BAHCC1: variants seen among roughly 807,000 people sequenced by gnomAD.
BAHCC1 encodes BAH domain and coiled-coil containing 1, also known as BAH and coiled-coil domain-containing protein 1.
In BAHCC1, 43 loss-of-function variants were observed where a neutral mutation model predicts 88.2. That is an observed-to-expected ratio of 0.49 (90% CI 0.38 to 0.63). The LOEUF (loss-of-function observed/expected upper bound fraction) is 0.63. Among genes scored for constraint, BAHCC1 ranks in the 20% least tolerant of loss-of-function variants. The pLI is 0.00. For synonymous variants in BAHCC1, 1,510 were observed against 745.5 expected, an observed-to-expected ratio of 2.03 and a Z score of -16.71; for missense variants, 3,023 against 1,654.8, an observed-to-expected ratio of 1.83 and a Z score of -14.34.
In BAHCC1 at chr17:81,399,806, A is replaced by G. The variant is rs2063790344; in HGVS notation, c.67A>G (p.Ser23Gly). ...LSERGSLGHRSAAAAARLAPA... is the reference protein window; with the variant it reads ...LSERGSLGHRGAAAAARLAPA... ...GGAGCGCGGGAGCCTGGGCCACCGC[A>G]GCGCCGCTGCCGCCGCGCGTCTCGC... is the stretch of plus-strand genomic sequence containing the variant. Residue 23 changes from serine to glycine, a missense_variant, in exon 2 of 28, where the codon AGC becomes GGC. Physicochemically the swap from Ser to Gly is moderately conservative, Grantham distance 56 (BLOSUM62 0). Transcript: ENST00000675386. This position sits in a 1 kb window ranked among gnomAD's most constrained non-coding sequence, Gnocchi z 4.5. The G allele has an allele frequency of 2.3e-6, 3 of 1,308,616 alleles. No homozygotes were observed. The highest frequency in any genetic ancestry group is 6.5e-5 in the East Asian group (2 of 31,004). The allele number at this position is 1,308,616 out of a possible 1,614,324, so 81.1% of individuals were successfully genotyped here. A position where few individuals can be genotyped will look rare whatever the true frequency, so the allele number is the denominator to read the frequency against.
intron 3 of BAHCC1, among the ~76,000 whole-genome samples, chr17:81,427,423 A>G (rs2064213438): frequency 6.6e-6 from 1 of 152,116 alleles, no homozygotes; most frequent in African/African-American, 2.4e-5. Context: ...GCTGCCACCC[A>G]GGGGCCTGTC....
intron 15 of BAHCC1, chr17:81,456,063 A>G: frequency 1.9e-6 from 1 of 526,692 alleles, no homozygotes; most frequent in South Asian, 2.6e-5. Flanking sequence ...CATGTCCCCT[A>G]CGTGGGGTGG....
chr17:81,442,920 A>G lies in BAHCC1; in HGVS notation c.1571A>G (p.Asp524Gly). The change falls in exon 5 of 28, where the codon GAT becomes GGT. Residue 524 changes from aspartate (D) to glycine (G), a missense_variant. Coordinates refer to ENST00000675386, the MANE Select transcript of BAHCC1 (RefSeq NM_001377448.1). ...GKAPQACCTLDKTVGKEAPAG... is the reference protein window; with the variant it reads ...GKAPQACCTLGKTVGKEAPAG... ...GCCCCCCAGGCCTGCTGCACTTTAG[A>G]TAAGACTGTTGGCAAGGAAGCCCCG... The G allele has an allele frequency of 1.3e-6, 1 of 779,064 alleles. No homozygotes were observed. The highest frequency in any genetic ancestry group is 2.4e-6 in the Non-Finnish European group (1 of 417,794). 48.3% of individuals were successfully genotyped at this position (779,064 alleles called of 1,614,324 possible).
chr17:81,399,852 A>G lies in BAHCC1; in HGVS notation c.113A>G (p.Gln38Arg). The G allele has an allele frequency of 7.2e-7, 1 of 1,392,160 alleles. No individual in the cohort carries two copies. Among genetic ancestry groups the G allele is most frequent in the Non-Finnish European group, 9.3e-7 (1 of 1,069,804 alleles). The allele number at this position is 1,392,160 out of a possible 1,614,324, so 86.2% of individuals were successfully genotyped here. Reference protein sequence around the residue: ...ARLAPAGPAAQPPAHFQPGKY... With the variant: ...ARLAPAGPAARPPAHFQPGKY... Reference sequence around the variant, plus strand: ...CTCGCCCCGGCTGGGCCCGCCGCGCAGCCCCCCGCACACTTCCAGCCGGGA... The same window carrying G: ...CTCGCCCCGGCTGGGCCCGCCGCGCGGCCCCCCGCACACTTCCAGCCGGGA... The change falls in exon 2 of 28, where the codon CAG becomes CGG. Residue 38 changes from glutamine to arginine, a missense_variant. Gln to Arg is a conservative substitution (Grantham distance 43). Transcript: ENST00000675386. This position sits in a 1 kb window ranked among gnomAD's most constrained non-coding sequence, Gnocchi z 4.5.
rs890714498 is a variant in BAHCC1 at position 81,442,841 on chromosome 17, A to C, written c.1492A>C (p.Thr498Pro). 5 of 779,340 alleles carry C rather than the reference A, an allele frequency of 6.4e-6. No individual in the cohort carries two copies. In the Admixed American group the frequency reaches 6.8e-5, roughly 11 times the overall value. 48.3% of individuals were successfully genotyped at this position (779,340 alleles called of 1,614,324 possible). A position where few individuals can be genotyped will look rare whatever the true frequency, so the allele number is the denominator to read the frequency against. The change falls in exon 5 of 28, where the codon ACC becomes CCC. Residue 498 changes from threonine to proline, a missense_variant. Coordinates refer to ENST00000675386, the MANE Select transcript of BAHCC1 (RefSeq NM_001377448.1). ...LDKSGYFELPTSSQDCARPGH... is the reference protein window; with the variant it reads ...LDKSGYFELPPSSQDCARPGH... ...CAAAAGCGGCTACTTCGAGTTGCCC[A>C]CCTCTTCACAGGACTGTGCCCGGCC...
rs72853236 is a variant in BAHCC1 at position 81,421,947 on chromosome 17, G to A, written c.179-4853G>A. 1.1e-4 allele frequency: 46 copies of A among 431,924 alleles called. 1 individual carries two copies. The highest frequency in any genetic ancestry group is 1.9e-4 in the Non-Finnish European group (40 of 215,444). 26.8% of individuals were successfully genotyped at this position (431,924 alleles called of 1,614,324 possible). ...AGGGTATTTGCAGCTGTGCCCAGAA[G>A]TGGTCCCAGAACGCTCATGCGAGGG... On this transcript the variant is annotated intron_variant, in intron 2 of 27. Transcript: ENST00000675386.
chr17:81,417,704 T>C (rs1163425318), intron 2 of BAHCC1, among the ~76,000 whole-genome samples: 2 of 152,162 alleles, frequency 1.3e-5, no homozygotes, highest in Non-Finnish European at 2.9e-5. Flanking sequence ...TCCACGCTGA[T>C]TGGGTTGGGT....
Position 81,444,374 on chromosome 17 carries a change from C to A in BAHCC1, c.2325-7C>A. 2.7e-6 allele frequency: 2 copies of A among 732,318 alleles called. No individual in the cohort carries two copies. Among genetic ancestry groups the A allele is most frequent in the East Asian group, 2.6e-5 (1 of 38,274 alleles). 45.4% of individuals were successfully genotyped at this position (732,318 alleles called of 1,614,324 possible). A position where few individuals can be genotyped will look rare whatever the true frequency, so the allele number is the denominator to read the frequency against. On this transcript the variant is annotated splice_polypyrimidine_tract_variant and splice_region_variant and intron_variant, in intron 6 of 27. Transcript: ENST00000675386. The stretch of plus-strand genomic sequence containing the variant: ...CCGGCGGCAGGGCTGAGCCCCAGGT[C>A]TTACAGGGACAGCAAAGACCGCGTA...
chr17:81,461,750 A>C lies in BAHCC1; in HGVS notation c.7087A>C (p.Thr2363Pro), dbSNP rs1400079890. Residue 2363 changes from threonine (T) to proline (P), a missense_variant, in exon 26 of 28, where the codon ACC (threonine) becomes CCC (proline). Physicochemically the swap from Thr to Pro is conservative, Grantham distance 38. Transcript: ENST00000675386. The part of the protein sequence containing the change: ...DPALLLQTCL[T>P]HPVPTLLAQP... ...GGCTCTGCTGCTGCAGACCTGCCTC[A>C]CCCACCCCGTGCCCACCCTCCTGGC... 2.8e-6 allele frequency: 2 copies of C among 717,700 alleles called. No individual in the cohort carries two copies. Among genetic ancestry groups the C allele is most frequent in the Non-Finnish European group, 5.2e-6 (2 of 385,400 alleles). The allele number at this position is 717,700 out of a possible 1,614,324, so 44.5% of individuals were successfully genotyped here.
intron 2 of BAHCC1, among the ~76,000 whole-genome samples, chr17:81,418,294 T>A (rs1217734214): frequency 1.3e-5 from 2 of 152,094 alleles, no homozygotes; most frequent in Non-Finnish European, 2.9e-5. Flanking sequence ...AAACATTGGG[T>A]CCTGCTTCTC....
rs1440445149 is a variant in BAHCC1, at chr17:81,456,258, G to C, written c.4570-39G>C. 7 of 693,820 alleles carry C rather than the reference G, an allele frequency of 1.0e-5. No individual in the cohort carries two copies. In the Admixed American group the frequency reaches 1.4e-4, roughly 14 times the overall value. 43.0% of individuals were successfully genotyped at this position (693,820 alleles called of 1,614,324 possible). On this transcript the variant is annotated intron_variant, in intron 15 of 27. Transcript: ENST00000675386. ...CCGCCCAGGGGCTGTGGTTTGCAGA[G>C]GGCGCCCTGAGAGTGCAGCTGCCCC...
rs1184521612 is a variant in BAHCC1, at chr17:81,447,747, C to T, written c.3875C>T (p.Thr1292Ile). 6.8e-6 allele frequency: 5 copies of T among 737,606 alleles called. No individual in the cohort carries two copies. The East Asian group carries it at 1.0e-4, about 15-fold the overall frequency. The allele number at this position is 737,606 out of a possible 1,614,324, so 45.7% of individuals were successfully genotyped here. A position where few individuals can be genotyped will look rare whatever the true frequency, so the allele number is the denominator to read the frequency against. The change falls in exon 11 of 28, where the codon ACA becomes ATA. Residue 1292 changes from threonine (T) to isoleucine (I), a missense_variant. By Grantham distance (89) the Thr-to-Ile change is moderately conservative. Coordinates refer to ENST00000675386, the MANE Select transcript of BAHCC1 (RefSeq NM_001377448.1). ...QPPAASGPPSTVPLPHSSGIH... is the reference protein window; with the variant it reads ...QPPAASGPPSIVPLPHSSGIH... ...CCAGCGGCCTCTGGGCCCCCCAGCACAGTCCCCCTGCCTCATAGCTCAGGG... is the reference window on the plus strand; with the variant it reads ...CCAGCGGCCTCTGGGCCCCCCAGCATAGTCCCCCTGCCTCATAGCTCAGGG...
At chr17:81,446,639 C>T (rs1023336215) in intron 10 of BAHCC1, 3 of 362,832 alleles carry the variant, frequency 8.3e-6, no homozygotes, top group African/African-American at 6.5e-5. Context: ...GCCTCGGCCT[C>T]CTGGGCTCAA....
At chr17:81,422,514 G>A (rs2064127670) in intron 2 of BAHCC1, among the ~76,000 whole-genome samples, 1 of 152,224 alleles carries the variant, frequency 6.6e-6, no homozygotes, top group African/African-American at 2.4e-5. Flanking sequence ...CTGGTCAGGT[G>A]CAGGGAGGGG....
At chr17:81,422,442 G>A (rs2064127011) in intron 2 of BAHCC1, among the ~76,000 whole-genome samples, 1 of 152,262 alleles carries the variant, frequency 6.6e-6, no homozygotes, top group Non-Finnish European at 1.5e-5. Flanking sequence ...GAGATCCCCA[G>A]ATCAGCAGCC....
chr17:81,444,918 C>T (rs1251999181), intron 8 of BAHCC1, 92 bp downstream of exon 8: 20 of 690,162 alleles, frequency 2.9e-5, no homozygotes, highest in East Asian at 2.4e-4. Context: ...CAGGAGGGAG[C>T]GGTGGGCTTG....
rs1555652725 is a variant in BAHCC1 at position 81,442,268 on chromosome 17, C to G, written c.919C>G (p.Leu307Val). 1 of 623,474 alleles carries G rather than the reference C, an allele frequency of 1.6e-6. No individual in the cohort carries two copies. The allele number at this position is 623,474 out of a possible 1,614,324, so 38.6% of individuals were successfully genotyped here. The change falls in exon 5 of 28, where the codon CTG (leucine) becomes GTG (valine). Residue 307 changes from leucine (L) to valine (V), a missense_variant. Coordinates refer to ENST00000675386, the MANE Select transcript of BAHCC1 (RefSeq NM_001377448.1). ...GCTAGCCAGCTGTGCAGGGGGCATG[C>G]TGGGGCGGCCTGGCACGGGGGTGGT... ...AALASCAGGM[L>V]GRPGTGVVTS...
At chr17:81,425,749 T>TGTGATGTGGTTGGTG (rs1476238977) in intron 2 of BAHCC1, among the ~76,000 whole-genome samples, 1 of 68,272 alleles carries the variant, frequency 1.5e-5, no homozygotes, top group Non-Finnish European at 3.0e-5. Flanking sequence ...ATGTGGTTGG[T>TGTGATGTGGTTGGTG]GTGATGTGGT....
chr17:81,409,020 C>T (rs2063915431), intron 2 of BAHCC1, among the ~76,000 whole-genome samples: 1 of 152,246 alleles, frequency 6.6e-6, no homozygotes, highest in African/African-American at 2.4e-5. Context: ...ATTTCACCCC[C>T]ACACCGGAAA....
Sources: gnomAD v4.1 joint callset for allele counts (sites outside exome capture counted in the v4.1 genomes callset) on GRCh38, gnomAD v4.1.1 for gene constraint, Gnocchi (gnomAD v3.1) non-coding constraint, MANE v1.5 for transcripts, NCBI Gene and HGNC (gene_info 2026-07-23, HGNC 2026-07-21) for gene names.